PTPN13: variants seen among roughly 807,000 people sequenced by gnomAD.
PTPN13 encodes protein tyrosine phosphatase non-receptor type 13.
A neutral mutation model predicts 284.0 loss-of-function variants in PTPN13; 191 were observed. The ratio of observed to expected loss-of-function variants is 0.67; its 90% CI spans 0.60 to 0.76. The LOEUF is 0.76. Among genes scored for constraint, PTPN13 ranks in the 30% least tolerant of loss-of-function variants. The pLI, the probability that PTPN13 is intolerant of heterozygous loss-of-function variation, is 0.00. For synonymous variants in PTPN13, 986 were observed against 1,022.3 expected, an observed-to-expected ratio of 0.96 and a Z score of 0.68; for missense variants, 2,797 against 2,939.9, an observed-to-expected ratio of 0.95 and a Z score of 1.12.
chr4:86,791,953 C>T (rs1742727818), intron 40 of PTPN13, among the ~76,000 whole-genome samples: 1 of 152,100 alleles, frequency 6.6e-6, no homozygotes, highest in Non-Finnish European at 1.5e-5. Context: ...TCTTCTCCTC[C>T]AAAGGATCGC....
At chr4:86,725,958 C>A (rs1734202253) in intron 10 of PTPN13, among the ~76,000 whole-genome samples, 1 of 149,626 alleles carries the variant, frequency 6.7e-6, no homozygotes, top group Non-Finnish European at 1.5e-5. Flanking sequence ...TTAGGTCTAA[C>A]ATTTAAGTCC....
At chr4:86,733,727 T>A (rs1236635537) in intron 12 of PTPN13, among the ~76,000 whole-genome samples, 1 of 152,176 alleles carries the variant, frequency 6.6e-6, no homozygotes, top group African/African-American at 2.4e-5. Flanking sequence ...ACCTAATTTC[T>A]TACAGATTCT....
At chr4:86,611,589 A>G (rs1161513485) in intron 1 of PTPN13, among the ~76,000 whole-genome samples, 2 of 152,258 alleles carry the variant, frequency 1.3e-5, no homozygotes, top group East Asian at 1.9e-4. Flanking sequence ...ACATCGGGTA[A>G]TAAAGGACAG....
intron 1 of PTPN13, among the ~76,000 whole-genome samples, chr4:86,608,734 G>C (rs563934236): frequency 3.5e-4 from 54 of 152,162 alleles, no homozygotes; most frequent in Non-Finnish European, 7.1e-4. Flanking sequence ...CTATGCACTA[G>C]GTATTTTAAT....
chr4:86,645,351 A>G (rs1005373585), intron 2 of PTPN13, among the ~76,000 whole-genome samples: 10 of 152,238 alleles, frequency 6.6e-5, no homozygotes, highest in African/African-American at 1.9e-4. Context: ...CATTACTTAT[A>G]TTGAACATTG....
intron 35 of PTPN13, 51 bp from the exon 36 acceptor site, chr4:86,780,351 C>A: frequency 6.7e-7 from 1 of 1,503,084 alleles, no homozygotes; most frequent in South Asian, 1.2e-5. Flanking sequence ...CCTGGGAGGT[C>A]AAGGCTACAA....
At chr4:86,767,242 C>CTTTT (rs71657583) in intron 27 of PTPN13, among the ~76,000 whole-genome samples, 1 of 126,730 alleles carries the variant, frequency 7.9e-6, no homozygotes, top group Non-Finnish European at 1.7e-5. Flanking sequence ...CCACACCTGG[C>CTTTT]TTTTTTTTTT....
intron 17 of PTPN13, among the ~76,000 whole-genome samples, chr4:86,745,988 A>G (rs992126421): frequency 2.0e-5 from 3 of 152,214 alleles, no homozygotes; most frequent in African/African-American, 7.2e-5. Flanking sequence ...AGGATGGGGG[A>G]AGTATGCACC....
At chr4:86,741,501 T>A in intron 15 of PTPN13, 133 bp from the exon 16 acceptor site, 1 of 720,476 alleles carries the variant, frequency 1.4e-6, no homozygotes, top group South Asian at 2.0e-5. Flanking sequence ...TCTCAGTGGG[T>A]CTCTCCCATA....
intron 39 of PTPN13, 35 bp downstream of exon 39, chr4:86,785,403 G>A (rs1741783894): frequency 1.3e-6 from 2 of 1,571,040 alleles, no homozygotes; most frequent in Non-Finnish European, 1.7e-6. Flanking sequence ...GGTATACTAT[G>A]GAGTACAAAA....
chr4:86,768,199 G>A (rs1270444821), intron 28 of PTPN13, among the ~76,000 whole-genome samples: 4 of 152,150 alleles, frequency 2.6e-5, no homozygotes, highest in Non-Finnish European at 4.4e-5. Context: ...CATGATTATG[G>A]TCTTTTAAAA....
At chr4:86,804,957 C>T (rs935191229) in intron 43 of PTPN13, among the ~76,000 whole-genome samples, 1 of 152,164 alleles carries the variant, frequency 6.6e-6, no homozygotes, top group Non-Finnish European at 1.5e-5. Flanking sequence ...TCTAGCTCAT[C>T]ACTTTATGGC....
intron 23 of PTPN13, among the ~76,000 whole-genome samples, chr4:86,761,169 T>TAA (rs1554335810): frequency 9.5e-4 from 138 of 145,102 alleles, no homozygotes; most frequent in Non-Finnish European, 1.3e-3. Context: ...TATATATATA[T>TAA]AAACACAACA....
chr4:86,776,157 G>T (rs1162317811), intron 35 of PTPN13, among the ~76,000 whole-genome samples: 1 of 152,130 alleles, frequency 6.6e-6, no homozygotes, highest in African/African-American at 2.4e-5. Flanking sequence ...TGTTGGCCAG[G>T]CTGGTCTCGA....
chr4:86,686,646 A>G, intron 3 of PTPN13, 64 bp from the exon 4 acceptor site: 1 of 1,021,282 alleles, frequency 9.8e-7, no homozygotes, highest in Non-Finnish European at 1.5e-6. Flanking sequence ...CTGTTTTTAT[A>G]GCACTTGCTT....
intron 40 of PTPN13, among the ~76,000 whole-genome samples, chr4:86,794,568 C>A (rs1198590839): frequency 6.6e-6 from 1 of 151,974 alleles, no homozygotes; most frequent in Non-Finnish European, 1.5e-5. Context: ...ATATGGAACC[C>A]AAAAAGAGTC....
chr4:86,724,127 A>T (rs573331292), intron 10 of PTPN13, among the ~76,000 whole-genome samples: 3 of 152,332 alleles, frequency 2.0e-5, no homozygotes, highest in South Asian at 4.1e-4. Context: ...GCTAATTTTT[A>T]AAATGTGGAA....
At chr4:86,632,195 C>A (rs542519530) in intron 1 of PTPN13, among the ~76,000 whole-genome samples, 39 of 152,218 alleles carry the variant, frequency 2.6e-4, no homozygotes, top group Middle Eastern at 6.8e-3. Context: ...ATTAATCAAC[C>A]TTTCAATGTC....
intron 6 of PTPN13, among the ~76,000 whole-genome samples, chr4:86,699,402 A>AT (rs1377647073): frequency 1.3e-5 from 2 of 152,020 alleles, no homozygotes; most frequent in East Asian, 3.9e-4. Context: ...AAAAAAAAAA[A>AT]GTAGACATAG....
Sources: allele counts gnomAD v4.1 joint callset (sites outside exome capture counted in the v4.1 genomes callset), GRCh38; gene constraint gnomAD v4.1.1; transcripts MANE v1.5; gene names NCBI Gene and HGNC (gene_info 2026-07-23, HGNC 2026-07-21).